Variants in CAMK1D observed in about 807,000 individuals in gnomAD.
CAMK1D encodes the protein calcium/calmodulin-dependent protein kinase type 1D.
In CAMK1D, 9 loss-of-function variants were observed where a neutral mutation model predicts 47.7. The observed-to-expected ratio is 0.19, with a 90% confidence interval of 0.11 to 0.33. CAMK1D has a LOEUF of 0.33. CAMK1D is among the 10% of genes least tolerant of loss of function. The pLI, the probability that CAMK1D is intolerant of heterozygous loss-of-function variation, is 1.00. For missense variants in CAMK1D, 291 were observed against 488.7 expected (o/e 0.60, Z 3.81); for synonymous variants, 184 against 184.9 (o/e 0.99, Z 0.04).
intron 3 of CAMK1D, among the ~76,000 whole-genome samples, chr10:12,708,075 C>T (rs898850179): frequency 2.0e-5 from 3 of 152,168 alleles, no homozygotes; most frequent in Non-Finnish European, 2.9e-5. Context: ...GTTTAACCTT[C>T]GCTCTCTAAA....
intron 4 of CAMK1D, among the ~76,000 whole-genome samples, chr10:12,766,562 T>C (rs901578310): frequency 1.3e-5 from 2 of 152,100 alleles, no homozygotes; most frequent in African/African-American, 4.8e-5. Flanking sequence ...TGTTTGCAGC[T>C]TGATTTTTCA....
chr10:12,400,488 G>A (rs1263222965), intron 1 of CAMK1D, among the ~76,000 whole-genome samples: 1 of 152,194 alleles, frequency 6.6e-6, no homozygotes, highest in Non-Finnish European at 1.5e-5. Flanking sequence ...GAGTTTGGAA[G>A]CTGCCCAAGA....
At chr10:12,675,894 C>G (rs755620084) in intron 3 of CAMK1D, among the ~76,000 whole-genome samples, 3 of 152,140 alleles carry the variant, frequency 2.0e-5, no homozygotes, top group Non-Finnish European at 4.4e-5. Context: ...CCACAGGGCC[C>G]TTGTTTCTGA....
At chr10:12,357,039 C>T (rs1396890293) in intron 1 of CAMK1D, among the ~76,000 whole-genome samples, 1 of 152,132 alleles carries the variant, frequency 6.6e-6, no homozygotes, top group Non-Finnish European at 1.5e-5. Context: ...CTCCTTAAAT[C>T]CCCTTCAATC....
At chr10:12,368,194 G>A (rs1460674581) in intron 1 of CAMK1D, among the ~76,000 whole-genome samples, 1 of 89,292 alleles carries the variant, frequency 1.1e-5, no homozygotes, top group Non-Finnish European at 2.3e-5. Context: ...GCGAGACTCC[G>A]TCTCAAAAAA....
chr10:12,407,652 G>A (rs1217687740), intron 1 of CAMK1D, among the ~76,000 whole-genome samples: 7 of 152,192 alleles, frequency 4.6e-5, no homozygotes. Context: ...GGTTGAGCTG[G>A]TTGATTGAAT....
intron 1 of CAMK1D, among the ~76,000 whole-genome samples, chr10:12,407,438 G>A (rs542301043): frequency 6.6e-5 from 10 of 152,164 alleles, no homozygotes; most frequent in Non-Finnish European, 1.5e-4. Context: ...CTCTGGGAAC[G>A]CCCCCATGGT....
At chr10:12,607,669 A>G (rs931406734) in intron 2 of CAMK1D, among the ~76,000 whole-genome samples, 2 of 152,198 alleles carry the variant, frequency 1.3e-5, no homozygotes, top group African/African-American at 4.8e-5. Context: ...TGATTTTAGA[A>G]CTAATAGGGC....
chr10:12,587,509 A>T (rs72771731), intron 2 of CAMK1D, among the ~76,000 whole-genome samples: 17,574 of 150,628 alleles, frequency 0.12, 1,100 homozygotes, highest in Non-Finnish European at 0.14. Context: ...TTCCAGATGG[A>T]TTAAATCAGG....
rs77265178 is a variant in CAMK1D, at chr10:12,667,038, C to T, written c.299+228C>T. 13 of 470,066 alleles carry T rather than the reference C, an allele frequency of 2.8e-5. No individual in the cohort carries two copies. In the South Asian group the frequency reaches 5.0e-4, roughly 18 times the overall value. 29.1% of individuals were successfully genotyped at this position (470,066 alleles called of 1,614,324 possible). A position where few individuals can be genotyped will look rare whatever the true frequency, so the allele number is the denominator to read the frequency against. On this transcript the variant is annotated intron_variant, in intron 3 of 10. Transcript: ENST00000619168. ...CTGCACTGCTGGGCTGGACTGATAACCTAGAGCTCAGCAGTGAATGTGACC... is the reference window on the plus strand; with the variant it reads ...CTGCACTGCTGGGCTGGACTGATAATCTAGAGCTCAGCAGTGAATGTGACC...
intron 1 of CAMK1D, among the ~76,000 whole-genome samples, chr10:12,539,252 T>A (rs1341330603): frequency 6.6e-6 from 1 of 152,258 alleles, no homozygotes; most frequent in African/African-American, 2.4e-5. Context: ...ATAAGGACTC[T>A]GTTTTTTTAT....
At chr10:12,424,407 CT>C (rs1258074446) in intron 1 of CAMK1D, among the ~76,000 whole-genome samples, 3 of 152,122 alleles carry the variant, frequency 2.0e-5, no homozygotes, top group African/African-American at 7.2e-5. Flanking sequence ...TCCTCCAAGT[CT>C]GATTGGTGCA....
intron 1 of CAMK1D, among the ~76,000 whole-genome samples, chr10:12,523,955 G>A (rs1044972655): frequency 6.6e-6 from 1 of 151,700 alleles, no homozygotes; most frequent in South Asian, 2.1e-4. Flanking sequence ...GGCTTGGCGC[G>A]ATCTCGGCTC....
At chr10:12,424,960 G>T (rs545049559) in intron 1 of CAMK1D, among the ~76,000 whole-genome samples, 2 of 152,294 alleles carry the variant, frequency 1.3e-5, no homozygotes, top group East Asian at 3.9e-4. Context: ...TGGTGTAAAT[G>T]TGTCACTCTT....
intron 10 of CAMK1D, among the ~76,000 whole-genome samples, chr10:12,827,245 C>A (rs1833244351): frequency 6.7e-6 from 1 of 149,026 alleles, no homozygotes; most frequent in Admixed American, 6.7e-5. Flanking sequence ...CCCTCCCTCC[C>A]TTCTTTCTTT....
At chr10:12,623,063 C>CCCTT (rs1333934419) in intron 2 of CAMK1D, among the ~76,000 whole-genome samples, 1 of 94,332 alleles carries the variant, frequency 1.1e-5, no homozygotes, top group Non-Finnish European at 2.1e-5. Flanking sequence ...CTCCCTCCCT[C>CCCTT]CCTTCCTCCC....
chr10:12,457,390 C>CAA (rs60189486), intron 1 of CAMK1D, among the ~76,000 whole-genome samples: 2 of 132,070 alleles, frequency 1.5e-5, no homozygotes. Flanking sequence ...GACTCTGTCT[C>CAA]AAAAAAAAAA....
At chr10:12,779,986 G>C (rs1185814590) in intron 5 of CAMK1D, among the ~76,000 whole-genome samples, 1 of 152,196 alleles carries the variant, frequency 6.6e-6, no homozygotes, top group Non-Finnish European at 1.5e-5. Context: ...TGCCATGTTG[G>C]CTGCAAAGCC....
chr10:12,428,985 A>G lies in CAMK1D; in HGVS notation c.92+79075A>G, dbSNP rs192726424. On this transcript the variant is annotated intron_variant, in intron 1 of 10. Coordinates refer to ENST00000619168, the MANE Select transcript of CAMK1D (RefSeq NM_153498.4). ...TCCAGCCTCCAACCGTGGGAAGTCA[A>G]TGTGTGGTTTATGAGCCACCAGGTT... Among the ~76,000 whole-genome samples, 264 of 152,282 alleles carry G rather than the reference A, an allele frequency of 1.7e-3. 2 individuals carry two copies. The highest frequency in any genetic ancestry group is 5.8e-3 in the African/African-American group (241 of 41,564).
Sources: allele counts gnomAD v4.1 joint callset (sites outside exome capture counted in the v4.1 genomes callset), GRCh38; gene constraint gnomAD v4.1.1; transcripts MANE v1.5; gene names NCBI Gene and HGNC (gene_info 2026-07-23, HGNC 2026-07-21).